TBC1D22A: variants seen among roughly 807,000 people sequenced by gnomAD.
TBC1D22A encodes the protein TBC1 domain family member 22A.
TBC1D22A carries 38 observed loss-of-function variants against 60.2 expected under a neutral mutation model. That is an observed-to-expected ratio of 0.63 (90% confidence interval 0.49 to 0.83). The LOEUF (loss-of-function observed/expected upper bound fraction) is 0.83. TBC1D22A is among the 40% of genes least tolerant of loss of function. The pLI is 0.00. For missense variants in TBC1D22A, 628 were observed against 701.0 expected (o/e 0.90, Z 1.18); for synonymous variants, 302 against 281.7 (o/e 1.07, Z -0.72).
At chr22:46,796,609 T>A (rs1828379094) in intron 3 of TBC1D22A, among the ~76,000 whole-genome samples, 1 of 152,122 alleles carries the variant, frequency 6.6e-6, no homozygotes. Flanking sequence ...TCTGAGGGCC[T>A]TAGGGTCTTC....
chr22:47,125,024 A>G (rs1601592280), intron 12 of TBC1D22A, among the ~76,000 whole-genome samples: 1 of 152,068 alleles, frequency 6.6e-6, no homozygotes, highest in African/African-American at 2.4e-5. Flanking sequence ...GGTGGCGGGG[A>G]GGCAGCCTTC....
At chr22:47,166,975 A>G (rs1002240770) in intron 12 of TBC1D22A, among the ~76,000 whole-genome samples, 6 of 152,356 alleles carry the variant, frequency 3.9e-5, no homozygotes, top group African/African-American at 1.2e-4. Context: ...GCCCAGCCGG[A>G]CAAGGAGGAT....
chr22:46,922,648 T>G (rs1273877633), intron 8 of TBC1D22A, among the ~76,000 whole-genome samples: 1 of 152,224 alleles, frequency 6.6e-6, no homozygotes, highest in Non-Finnish European at 1.5e-5. Context: ...ATCTTATATG[T>G]TACCTGGTTA....
chr22:46,897,651 TG>T (rs1182001045), intron 7 of TBC1D22A, among the ~76,000 whole-genome samples: 92 of 84,250 alleles, frequency 1.1e-3, no homozygotes, highest in African/African-American at 4.5e-3. Context: ...TTTTTTTTTG[TG>T]TTTTTTTTTT....
chr22:46,878,003 C>T (rs1456292777), intron 4 of TBC1D22A, among the ~76,000 whole-genome samples: 3 of 152,114 alleles, frequency 2.0e-5, no homozygotes, highest in African/African-American at 7.2e-5. Context: ...CTGGCCAGCG[C>T]CTCCCTACTC....
At chr22:46,886,023 A>T (rs776668447) in intron 5 of TBC1D22A, among the ~76,000 whole-genome samples, 54 of 147,802 alleles carry the variant, frequency 3.7e-4, no homozygotes, top group Non-Finnish European at 3.3e-4. Flanking sequence ...TTCTCCTACC[A>T]CAGCTTCCCG....
intron 11 of TBC1D22A, among the ~76,000 whole-genome samples, chr22:47,068,885 TA>T (rs1007624419): frequency 2.6e-5 from 4 of 152,162 alleles, no homozygotes; most frequent in African/African-American, 9.7e-5. Context: ...GAAAAATAAT[TA>T]AAATGATACA....
chr22:47,173,113 A>C (rs2068552011), intron 12 of TBC1D22A, among the ~76,000 whole-genome samples: 1 of 152,148 alleles, frequency 6.6e-6, no homozygotes, highest in Non-Finnish European at 1.5e-5. Flanking sequence ...TCTCCCCCTG[A>C]GGGGCAGGGG....
intron 4 of TBC1D22A, among the ~76,000 whole-genome samples, chr22:46,800,379 C>T (rs946168783): frequency 1.8e-4 from 28 of 152,046 alleles, no homozygotes; most frequent in Middle Eastern, 3.2e-3. Flanking sequence ...ATCGTGCTTA[C>T]GGGAGTCTAG....
chr22:46,906,806 T>C (rs1335374826), intron 7 of TBC1D22A, among the ~76,000 whole-genome samples: 1 of 150,870 alleles, frequency 6.6e-6, no homozygotes, highest in Non-Finnish European at 1.5e-5. Context: ...TGTGTATGTG[T>C]GTGTGTGCTC....
intron 4 of TBC1D22A, among the ~76,000 whole-genome samples, chr22:46,806,936 C>T (rs954092256): frequency 3.3e-5 from 5 of 152,324 alleles, no homozygotes; most frequent in South Asian, 2.1e-4. Context: ...CAGGGCTGGC[C>T]GAGCAAATGT....
rs114191829 is a variant in TBC1D22A at position 47,066,427 on chromosome 22, G to A, written c.1329+29229G>A. ...CAGGGGAGGTCGGGAGGGAGGGAGG[G>A]CCAAGCTTTGGCTGCCCAAGGGTGC... is the stretch of plus-strand genomic sequence containing the variant. On this transcript the variant is annotated intron_variant, in intron 11 of 12. Transcript: ENST00000337137. Among the ~76,000 whole-genome samples the A allele has an allele frequency of 5.7e-3, 866 of 151,920 alleles. 9 individuals carry two copies. The highest frequency in any genetic ancestry group is 0.02 in the African/African-American group (821 of 41,466).
intron 1 of TBC1D22A, among the ~76,000 whole-genome samples, chr22:46,769,841 T>G (rs1275200950): frequency 6.6e-6 from 1 of 152,036 alleles, no homozygotes; most frequent in Non-Finnish European, 1.5e-5. Flanking sequence ...GGCCAGATGC[T>G]GTGGGGTTGG....
chr22:46,968,211 A>C (rs2073901506), intron 8 of TBC1D22A, among the ~76,000 whole-genome samples: 1 of 152,190 alleles, frequency 6.6e-6, no homozygotes, highest in South Asian at 2.1e-4. Context: ...GATGCTCCTT[A>C]CTGAGTCAGA....
intron 4 of TBC1D22A, among the ~76,000 whole-genome samples, chr22:46,819,673 A>T (rs2085746835): frequency 6.6e-6 from 1 of 152,216 alleles, no homozygotes; most frequent in Non-Finnish European, 1.5e-5. Flanking sequence ...ATTGATGTTC[A>T]TCAGGGATAT....
intron 1 of TBC1D22A, chr22:46,763,661 T>C (rs529800766): frequency 6.6e-6 from 1 of 152,276 alleles, no homozygotes; most frequent in African/African-American, 2.4e-5. Context: ...TGCTGAAAAT[T>C]ATGAATTGTG....
chr22:47,096,151 C>G (rs989332341), intron 11 of TBC1D22A, among the ~76,000 whole-genome samples: 1 of 152,218 alleles, frequency 6.6e-6, no homozygotes, highest in African/African-American at 2.4e-5. Flanking sequence ...TAAAAAGCTT[C>G]AGATCTGTTG....
chr22:46,793,835 C>T lies in TBC1D22A; in HGVS notation c.454C>T (p.Pro152Ser). ...GGTCAGTGAGAGCCACACGTCCTGT[C>T]CTGCAGGTACGATGGGAGGACTGAA... The part of the protein sequence containing the change: ...KSVSESHTSC[P>S]AESASDAAPL... The change falls in exon 3 of 13, where the codon CCT becomes TCT. Residue 152 changes from proline to serine, a missense_variant. Transcript: ENST00000337137. 6.4e-7 allele frequency: 1 copy of T among 1,569,844 alleles called. No homozygotes were observed. Among genetic ancestry groups the T allele is most frequent in the Non-Finnish European group, 8.6e-7 (1 of 1,160,246 alleles).
intron 11 of TBC1D22A, among the ~76,000 whole-genome samples, chr22:47,101,497 C>T (rs1186043240): frequency 6.6e-6 from 1 of 152,246 alleles, no homozygotes; most frequent in African/African-American, 2.4e-5. Flanking sequence ...ATGCAGCGAC[C>T]AGCTGCCTCA....
Sources: allele counts gnomAD v4.1 joint callset (sites outside exome capture counted in the v4.1 genomes callset), GRCh38; gene constraint gnomAD v4.1.1; transcripts MANE v1.5; gene names NCBI Gene and HGNC (gene_info 2026-07-23, HGNC 2026-07-21).